PIK3C2G: variants seen among roughly 807,000 people sequenced by gnomAD.
The protein encoded by PIK3C2G is phosphatidylinositol-4-phosphate 3-kinase catalytic subunit type 2 gamma.
PIK3C2G carries 168 observed loss-of-function variants against 181.1 expected under a neutral mutation model. The observed-to-expected ratio is 0.93, with a 90% CI of 0.82 to 1.05. PIK3C2G has a LOEUF of 1.05. PIK3C2G is among the 50% of genes least tolerant of loss of function. PIK3C2G has a pLI of 0.00. For missense variants in PIK3C2G, 1,869 were observed against 1,732.8 expected (o/e 1.08, Z -1.40); for synonymous variants, 573 against 592.2 (o/e 0.97, Z 0.47).
At chr12:18,448,998 A>T (rs1379904669) in intron 18 of PIK3C2G, among the ~76,000 whole-genome samples, 1 of 152,026 alleles carries the variant, frequency 6.6e-6, no homozygotes, top group Non-Finnish European at 1.5e-5. Context: ...TTCTGGGTTC[A>T]TACCTAGAAG....
chr12:18,387,902 T>C (rs1035686523), intron 14 of PIK3C2G, among the ~76,000 whole-genome samples: 4 of 152,240 alleles, frequency 2.6e-5, no homozygotes, highest in African/African-American at 9.6e-5. Flanking sequence ...TATCTGAACC[T>C]GAATACCAAA....
At chr12:18,650,340 T>TAC (rs1261568861), downstream of PIK3C2G, among the ~76,000 whole-genome samples, 11 of 132,948 alleles carry the variant, frequency 8.3e-5, no homozygotes, top group Middle Eastern at 3.7e-3. Flanking sequence ...TCTATATATA[T>TAC]ATATATATGT....
intron 18 of PIK3C2G, among the ~76,000 whole-genome samples, chr12:18,461,964 C>G (rs1187712083): frequency 6.6e-6 from 1 of 152,206 alleles, no homozygotes; most frequent in African/African-American, 2.4e-5. Context: ...CTGACCTCTG[C>G]TTCTGTTGTC....
intron 27 of PIK3C2G, 35 bp from the exon 28 acceptor site, chr12:18,563,342 C>T (rs1945446439): frequency 7.0e-6 from 11 of 1,574,248 alleles, no homozygotes; most frequent in Non-Finnish European, 9.5e-6. Flanking sequence ...GCTGATATTG[C>T]CATCTTTTGA....
chr12:18,689,947 C>T, the PIK3C2G span, among the ~76,000 whole-genome samples: 1 of 152,106 alleles, frequency 6.6e-6, no homozygotes, highest in Admixed American at 6.6e-5. Flanking sequence ...ACCCACATGG[C>T]CATGGCAGCA....
chr12:18,594,187 A>G (rs1334506592), intron 29 of PIK3C2G, among the ~76,000 whole-genome samples: 1 of 151,896 alleles, frequency 6.6e-6, no homozygotes, highest in Non-Finnish European at 1.5e-5. Flanking sequence ...TGAGATGTGA[A>G]ATGCATGCAT....
intron 24 of PIK3C2G, among the ~76,000 whole-genome samples, chr12:18,534,815 GAA>G (rs148775105): frequency 7.3e-5 from 9 of 123,736 alleles, no homozygotes; most frequent in Admixed American, 1.7e-4. Context: ...AGAGAGAGAT[GAA>G]AAAAAAAAAA....
At position 18,562,803 on chromosome 12, in the gene PIK3C2G, C is replaced by T; in HGVS notation, c.3691C>T (p.Gln1231Ter). 6.2e-7 allele frequency: 1 copy of T among 1,608,008 alleles called. No individual in the cohort carries two copies. ...SAISPAKSTSQTFPQESCLLS... is the reference protein window; with the variant it reads ...SAISPAKSTS ...CATAAGCCCTGCCAAATCTACTTCA[C>T]AGACTTTTCCTCAGGAATCCTGTTT... Residue 1231 changes from glutamine to a stop codon, truncating the protein, a stop_gained, in exon 27 of 33, where the codon CAG becomes TAG. Transcript: ENST00000538779. LOFTEE classifies it high-confidence loss of function.
chr12:18,250,012 A>C (rs958225518), intron 1 of PIK3C2G, among the ~76,000 whole-genome samples: 4 of 152,066 alleles, frequency 2.6e-5, no homozygotes, highest in African/African-American at 9.7e-5. Context: ...CTGTACACAG[A>C]TCTTAACTCT....
chr12:18,512,184 T>A (rs2136145681), intron 24 of PIK3C2G, among the ~76,000 whole-genome samples: 1 of 152,190 alleles, frequency 6.6e-6, no homozygotes, highest in African/African-American at 2.4e-5. Flanking sequence ...TATCTATTTT[T>A]ATGCCAGGAC....
intron 29 of PIK3C2G, among the ~76,000 whole-genome samples, chr12:18,568,139 G>A (rs1452518479): frequency 1.3e-5 from 2 of 152,124 alleles, no homozygotes; most frequent in Non-Finnish European, 2.9e-5. Flanking sequence ...TATCTGCAAA[G>A]TCTCTTTTGC....
chr12:18,556,378 A>G lies in PIK3C2G; in HGVS notation c.3591-6325A>G, dbSNP rs189142267. ...CTGACACCTGAGAGATAGGAGATGG[A>G]TTTGAGTGAAAGTCTGCCCCCAAAC... On this transcript the variant is annotated intron_variant, in intron 26 of 32. Transcript: ENST00000538779. 7.6e-4 allele frequency among the ~76,000 whole-genome samples: 116 copies of G among 152,230 alleles called. 1 individual carries two copies. The highest frequency in any genetic ancestry group is 1.5e-3 in the Admixed American group (23 of 15,278).
chr12:18,343,388 T>C, intron 10 of PIK3C2G, 28 bp downstream of exon 10: 1 of 1,193,586 alleles, frequency 8.4e-7, no homozygotes. Context: ...TCAAGTATTT[T>C]GAAATAAAGA....
the PIK3C2G span, among the ~76,000 whole-genome samples, chr12:18,705,737 G>T: frequency 3.3e-5 from 5 of 151,520 alleles, no homozygotes; most frequent in Admixed American, 2.6e-4. Flanking sequence ...GTGGTAGTGT[G>T]TGCCTGTAAT....
At chr12:18,577,114 A>C (rs1329822410) in intron 29 of PIK3C2G, among the ~76,000 whole-genome samples, 3 of 152,208 alleles carry the variant, frequency 2.0e-5, no homozygotes, top group Admixed American at 1.3e-4. Flanking sequence ...TTTCAATAGG[A>C]AACTCCTAAA....
intron 5 of PIK3C2G, among the ~76,000 whole-genome samples, chr12:18,297,193 C>T (rs1208767445): frequency 6.6e-6 from 1 of 152,052 alleles, no homozygotes; most frequent in Non-Finnish European, 1.5e-5. Flanking sequence ...TGTACCTTCA[C>T]CTATACTTGT....
At chr12:18,553,335 T>C (rs10505826) in intron 26 of PIK3C2G, among the ~76,000 whole-genome samples, 14,076 of 152,154 alleles carry the variant, frequency 0.093, 854 homozygotes, top group Non-Finnish European at 0.14. Context: ...AACTGAAAAC[T>C]GGAATATCAT....
chr12:18,545,168 T>G (rs1188721563), intron 25 of PIK3C2G, among the ~76,000 whole-genome samples: 2 of 151,876 alleles, frequency 1.3e-5, no homozygotes, highest in African/African-American at 4.8e-5. Context: ...TGCTCACCCA[T>G]GTAATACTCG....
chr12:18,685,627 T>C, the PIK3C2G span: 1 of 516,798 alleles, frequency 1.9e-6, no homozygotes, highest in East Asian at 5.5e-5. Flanking sequence ...ACTAATTGGC[T>C]CATGCTGGAA....
Sources: allele counts gnomAD v4.1 joint callset (sites outside exome capture counted in the v4.1 genomes callset), GRCh38; gene constraint gnomAD v4.1.1; transcripts MANE v1.5; gene names NCBI Gene and HGNC (gene_info 2026-07-23, HGNC 2026-07-21).